The following PTCRA variants were observed in gnomAD, a reference collection of about 807,000 sequenced individuals.
The protein encoded by PTCRA is pre T cell antigen receptor alpha, also known as pre T-cell antigen receptor alpha.
In PTCRA, 9 loss-of-function variants were observed where a neutral mutation model predicts 13.4. The ratio of observed to expected loss-of-function variants is 0.67; its 90% CI spans 0.41 to 1.18. PTCRA has a LOEUF of 1.18. PTCRA is among the 50% of genes most tolerant of loss of function. The pLI, the probability that PTCRA is intolerant of heterozygous loss-of-function variation, is 0.01. For missense variants in PTCRA, 353 were observed against 359.8 expected, an observed-to-expected ratio of 0.98 and a Z score of 0.15; for synonymous variants, 153 against 161.9, an observed-to-expected ratio of 0.94 and a Z score of 0.42.
At chr6:42,919,856 C>T (rs1025992437) in intron 1 of PTCRA, among the ~76,000 whole-genome samples, 2 of 148,486 alleles carry the variant, frequency 1.3e-5, no homozygotes, top group African/African-American at 5.0e-5. Flanking sequence ...CCACCCCAGG[C>T]AACATAGGGA....
At chr6:42,920,103 G>A (rs1346420964) in intron 1 of PTCRA, among the ~76,000 whole-genome samples, 1 of 151,786 alleles carries the variant, frequency 6.6e-6, no homozygotes, top group Non-Finnish European at 1.5e-5. Context: ...GGCGGATCAC[G>A]AGGCAAGGAG....
intron 1 of PTCRA, among the ~76,000 whole-genome samples, chr6:42,922,508 G>A (rs1421433369): frequency 6.6e-6 from 1 of 152,092 alleles, no homozygotes; most frequent in African/African-American, 2.4e-5. Context: ...CAGCACTTTG[G>A]GAGGACGAGG....
intron 1 of PTCRA, among the ~76,000 whole-genome samples, chr6:42,916,419 G>A (rs1207553503): frequency 3.9e-5 from 6 of 152,178 alleles, no homozygotes; most frequent in Non-Finnish European, 8.8e-5. Flanking sequence ...GCCCCTCTTA[G>A]AGGTATAGAG....
intron 1 of PTCRA, among the ~76,000 whole-genome samples, chr6:42,916,595 A>G (rs1369654699): frequency 2.0e-5 from 3 of 152,162 alleles, no homozygotes; most frequent in East Asian, 1.9e-4. Context: ...GGGTGTCTCA[A>G]GTTCACTCAC....
At position 42,923,119 on chromosome 6, in the gene PTCRA, G is replaced by T. The variant is rs772052468; in HGVS notation, c.151G>T (p.Asp51Tyr). 1 of 1,614,220 alleles carries T rather than the reference G, an allele frequency of 6.2e-7. No homozygotes were observed. The highest frequency in any genetic ancestry group is 8.5e-7 in the Non-Finnish European group (1 of 1,180,034). Residue 51 changes from aspartate to tyrosine, a missense_variant, in exon 2 of 4, where the codon GAT becomes TAT. Physicochemically the swap from Asp to Tyr is radical, Grantham distance 160. Coordinates refer to ENST00000304672, the MANE Select transcript of PTCRA (RefSeq NM_138296.3). Reference protein sequence around the residue: ...QQMVVVCLVLDVAPPGLDSPI... With the variant: ...QQMVVVCLVLYVAPPGLDSPI... ...GATGGTGGTGGTCTGCCTGGTCCTTGATGTTGCACCCCCTGGCCTTGACAG... is the reference window on the plus strand; with the variant it reads ...GATGGTGGTGGTCTGCCTGGTCCTTTATGTTGCACCCCCTGGCCTTGACAG...
rs1449725892 is a variant in PTCRA at position 42,923,079 on chromosome 6, G to T, written c.111G>T (p.Val37=). The T allele has an allele frequency of 6.2e-7, 1 of 1,614,100 alleles. No individual in the cohort carries two copies. The highest frequency in any genetic ancestry group is 1.3e-5 in the African/African-American group (1 of 74,922). Reference sequence around the variant, plus strand: ...TGGCCCCACCAATCATGCTGCTGGTGGATGGAAAGCAGCAGATGGTGGTGG... The same window carrying T: ...TGGCCCCACCAATCATGCTGCTGGTTGATGGAAAGCAGCAGATGGTGGTGG... ...PSLAPPIMLL[V]DGKQQMVVVC... Residue 37 remains valine, a synonymous_variant, in exon 2 of 4, where the codon GTG becomes GTT. Coordinates refer to ENST00000304672, the MANE Select transcript of PTCRA (RefSeq NM_138296.3).
intron 1 of PTCRA, among the ~76,000 whole-genome samples, chr6:42,921,980 G>T (rs144671810): frequency 6.6e-6 from 1 of 151,830 alleles, no homozygotes; most frequent in African/African-American, 2.4e-5. Context: ...AGCCGACATG[G>T]TGCCACTGCA....
At position 42,925,834 on chromosome 6, in the gene PTCRA, G is replaced by A. The variant is rs1035909297; in HGVS notation, c.*152G>A. On this transcript the variant is annotated 3_prime_UTR_variant, in exon 4 of 4. Transcript: ENST00000304672. The surrounding 1 kb of genome is among the most constrained non-coding windows in gnomAD (Gnocchi z 4.4). Reference sequence around the variant, plus strand: ...ATTAAAAAAGAACTTAAATGACACAGCAAATGAAAAATATTTGAATTCATG... The same window carrying A: ...ATTAAAAAAGAACTTAAATGACACAACAAATGAAAAATATTTGAATTCATG... 1.2e-5 allele frequency: 6 copies of A among 485,388 alleles called. No homozygotes were observed. Among genetic ancestry groups the A allele is most frequent in the African/African-American group, 1.2e-4 (6 of 49,806 alleles). The allele number at this position is 485,388 out of a possible 1,614,324, so 30.1% of individuals were successfully genotyped here.
intron 1 of PTCRA, among the ~76,000 whole-genome samples, chr6:42,917,779 A>T (rs1394488079): frequency 6.7e-6 from 1 of 149,008 alleles, no homozygotes; most frequent in Non-Finnish European, 1.5e-5. Context: ...CGAACTCCTG[A>T]CTTCAAGTGA....
chr6:42,922,600 C>T (rs1292410230), intron 1 of PTCRA, among the ~76,000 whole-genome samples: 1 of 151,908 alleles, frequency 6.6e-6, no homozygotes, highest in African/African-American at 2.4e-5. Flanking sequence ...ATTAGCCGGG[C>T]GCTGTGGCGG....
At chr6:42,920,705 T>A (rs745919408) in intron 1 of PTCRA, among the ~76,000 whole-genome samples, 2 of 151,376 alleles carry the variant, frequency 1.3e-5, no homozygotes, top group African/African-American at 2.4e-5. Context: ...GATTACAGGC[T>A]TGAGCCACAG....
intron 1 of PTCRA, among the ~76,000 whole-genome samples, chr6:42,920,416 GTTCT>G (rs1767097329): frequency 2.0e-5 from 3 of 151,764 alleles, no homozygotes; most frequent in Non-Finnish European, 4.4e-5. Flanking sequence ...ATATGACTTA[GTTCT>G]TTCTTTTATT....
rs1347460854 is a variant in PTCRA at position 42,925,481 on chromosome 6, T to G, written c.645T>G (p.Pro215=). 2 of 1,558,492 alleles carry G rather than the reference T, an allele frequency of 1.3e-6. No homozygotes were observed. The highest frequency in any genetic ancestry group is 1.7e-6 in the Non-Finnish European group (2 of 1,150,552). ...CCACCAGCTCACCCAGACCCCAGCC[T>G]CGGGACCGCCGCTGGGGTGACACCC... ...REATSSPRPQ[P]RDRRWGDTPP... is the part of the protein sequence containing the mutation. Residue 215 remains proline, a synonymous_variant, in exon 4 of 4, where the codon CCT becomes CCG. Coordinates refer to ENST00000304672, the MANE Select transcript of PTCRA (RefSeq NM_138296.3). This position sits in a 1 kb window ranked among gnomAD's most constrained non-coding sequence, Gnocchi z 4.4.
At chr6:42,918,859 G>A (rs1330793991) in intron 1 of PTCRA, among the ~76,000 whole-genome samples, 1 of 144,586 alleles carries the variant, frequency 6.9e-6, no homozygotes, top group Non-Finnish European at 1.5e-5. Flanking sequence ...GTGCAATCTT[G>A]GCTCACTGTA....
intron 1 of PTCRA, among the ~76,000 whole-genome samples, chr6:42,920,661 G>A (rs953077154): frequency 2.0e-5 from 3 of 152,006 alleles, no homozygotes; most frequent in African/African-American, 2.4e-5. Flanking sequence ...TCCTGACCTC[G>A]TGATCCACCC....
intron 1 of PTCRA, among the ~76,000 whole-genome samples, chr6:42,919,072 T>G (rs1247802174): frequency 7.1e-6 from 1 of 141,226 alleles, no homozygotes; most frequent in Non-Finnish European, 1.5e-5. Flanking sequence ...TGAGACAGAG[T>G]CCCGCTCTGT....
At chr6:42,920,047 G>A (rs1767071737) in intron 1 of PTCRA, among the ~76,000 whole-genome samples, 2 of 148,582 alleles carry the variant, frequency 1.3e-5, no homozygotes, top group South Asian at 4.3e-4. Flanking sequence ...TAGGCCGGGT[G>A]AGGTGGCTCA....
chr6:42,917,041 G>A (rs1294882070), intron 1 of PTCRA, among the ~76,000 whole-genome samples: 3 of 151,984 alleles, frequency 2.0e-5, no homozygotes, highest in Non-Finnish European at 1.5e-5. Context: ...CCTGGAGCTC[G>A]TGCCCAGCCT....
In PTCRA at chr6:42,917,677, G is replaced by A. The variant is rs1464343271; in HGVS notation, c.58+1550G>A. Among the ~76,000 whole-genome samples the A allele has an allele frequency of 2.7e-5, 4 of 150,866 alleles. No homozygotes were observed. In the East Asian group the frequency reaches 5.9e-4, roughly 22 times the overall value. Reference sequence around the variant, plus strand: ...CGGTTCTCCTGCCTCAGCTTCCCAAGTAGCTGGGATTACAGCCGCCCACCA... The same window carrying A: ...CGGTTCTCCTGCCTCAGCTTCCCAAATAGCTGGGATTACAGCCGCCCACCA... On this transcript the variant is annotated intron_variant, in intron 1 of 3. Coordinates refer to ENST00000304672, the MANE Select transcript of PTCRA (RefSeq NM_138296.3).
Sources: allele counts gnomAD v4.1 joint callset (sites outside exome capture counted in the v4.1 genomes callset), GRCh38; gene constraint gnomAD v4.1.1; non-coding constraint Gnocchi (gnomAD v3.1); transcripts MANE v1.5; gene names NCBI Gene and HGNC (gene_info 2026-07-23, HGNC 2026-07-21).